LCLAT1: variants seen among roughly 807,000 people sequenced by gnomAD.
LCLAT1 encodes 1-AGP acyltransferase 8.
A neutral mutation model predicts 30.7 loss-of-function variants in LCLAT1; 11 were observed. The ratio of observed to expected loss-of-function variants is 0.36; its 90% CI spans 0.23 to 0.59. LCLAT1 has a LOEUF of 0.59. Ranked by LOEUF, LCLAT1 falls within the 20% of genes least tolerant of loss-of-function variation. The pLI is 0.77. For synonymous variants in LCLAT1, 155 were observed against 151.3 expected (o/e 1.02, Z -0.18); for missense variants, 402 against 458.6 (o/e 0.88, Z 1.13).
chr2:30,525,583 T>A lies in LCLAT1; in HGVS notation c.-4-4T>A, dbSNP rs776652436. On this transcript the variant is annotated splice_polypyrimidine_tract_variant and splice_region_variant and intron_variant, in intron 1 of 5. Transcript: ENST00000379509. ...CAAAATATATCCTTTTTTATATCTT[T>A]CAGAATCATGGTGTCATGGAAAGGG... is the stretch of plus-strand genomic sequence containing the variant. 18 of 1,609,440 alleles carry A rather than the reference T, an allele frequency of 1.1e-5. No individual in the cohort carries two copies. In the East Asian group the frequency reaches 4.0e-4, roughly 36 times the overall value.
At chr2:30,608,003 T>TTTTAAGCGAAGTGTTA (rs1287556265) in intron 5 of LCLAT1, among the ~76,000 whole-genome samples, 2 of 151,928 alleles carry the variant, frequency 1.3e-5, no homozygotes, top group African/African-American at 2.4e-5. Context: ...TAGGTTTGTG[T>TTTTAAGCGAAGTGTTA]TTTAAGCGAA....
chr2:30,532,727 T>C (rs995099396), intron 2 of LCLAT1, among the ~76,000 whole-genome samples: 4 of 152,142 alleles, frequency 2.6e-5, no homozygotes, highest in African/African-American at 9.7e-5. Flanking sequence ...CCGGGATTTT[T>C]TTTTTTCCCC....
At chr2:30,554,126 T>C (rs1252442682) in intron 3 of LCLAT1, among the ~76,000 whole-genome samples, 1 of 152,218 alleles carries the variant, frequency 6.6e-6, no homozygotes, top group Admixed American at 6.5e-5. Context: ...CTAGAAGATA[T>C]GTAACAAAAT....
At chr2:30,504,142 T>G (rs1270309262) in intron 1 of LCLAT1, among the ~76,000 whole-genome samples, 2 of 152,064 alleles carry the variant, frequency 1.3e-5, no homozygotes, top group Non-Finnish European at 2.9e-5. Context: ...ATTACACATA[T>G]ATACACAACA....
At chr2:30,530,321 T>C (rs1572578307) in intron 2 of LCLAT1, among the ~76,000 whole-genome samples, 1 of 152,356 alleles carries the variant, frequency 6.6e-6, no homozygotes, top group African/African-American at 2.4e-5. Context: ...TGTATAGATA[T>C]TACAGCTTTA....
chr2:30,569,966 G>C (rs1665706212), intron 5 of LCLAT1, among the ~76,000 whole-genome samples: 1 of 151,788 alleles, frequency 6.6e-6, no homozygotes, highest in African/African-American at 2.4e-5. Context: ...AAGCAGTGAT[G>C]CTTTTTTTTT....
Position 30,537,847 on chromosome 2 carries a change from G to C in LCLAT1, c.364+4533G>C, listed in dbSNP as rs79170748. ...GTGTTAGGCCACAAAACAAGTCTCA[G>C]CAAATTTTAAAAAATCGAAATTATG... On this transcript the variant is annotated intron_variant, in intron 3 of 5. Transcript: ENST00000379509. Among the ~76,000 whole-genome samples the C allele has an allele frequency of 9.6e-3, 1,457 of 152,194 alleles. 20 individuals are homozygous for C. Among genetic ancestry groups the C allele is most frequent in the African/African-American group, 0.033 (1,359 of 41,508 alleles).
Position 30,521,970 on chromosome 2 carries a change from C to T in LCLAT1, c.-4-3617C>T, listed in dbSNP as rs137947013. Reference sequence around the variant, plus strand: ...GATTTTAAAATCATATCTTTTGAGTCTGGCCTCTTTCATTCAGCATAATAC... The same window carrying T: ...GATTTTAAAATCATATCTTTTGAGTTTGGCCTCTTTCATTCAGCATAATAC... On this transcript the variant is annotated intron_variant, in intron 1 of 5. Transcript: ENST00000379509. Among the ~76,000 whole-genome samples the T allele has an allele frequency of 7.1e-3, 1,075 of 152,300 alleles. 5 individuals carry two copies. The highest frequency in any genetic ancestry group is 0.01 in the Non-Finnish European group (686 of 68,038).
chr2:30,521,220 A>C (rs1685452494), intron 1 of LCLAT1, among the ~76,000 whole-genome samples: 1 of 152,200 alleles, frequency 6.6e-6, no homozygotes, highest in Non-Finnish European at 1.5e-5. Context: ...ATGCATGAAT[A>C]ATCCATCCCT....
chr2:30,528,984 C>T (rs1685866883), intron 2 of LCLAT1, among the ~76,000 whole-genome samples: 1 of 152,114 alleles, frequency 6.6e-6, no homozygotes, highest in Non-Finnish European at 1.5e-5. Flanking sequence ...CACCTTTTAT[C>T]TCATACTCGT....
intron 3 of LCLAT1, among the ~76,000 whole-genome samples, chr2:30,544,516 C>T (rs1664305957): frequency 6.6e-6 from 1 of 152,060 alleles, no homozygotes; most frequent in Non-Finnish European, 1.5e-5. Context: ...ATTCTGTTTC[C>T]AGTTATGCTG....
chr2:30,464,224 A>G (rs182387089), intron 1 of LCLAT1, among the ~76,000 whole-genome samples: 120 of 152,092 alleles, frequency 7.9e-4, no homozygotes, highest in African/African-American at 2.5e-3. Context: ...TCATTTTTGT[A>G]TGTGACTCTT....
chr2:30,522,495 A>G (rs1265558873), intron 1 of LCLAT1, among the ~76,000 whole-genome samples: 2 of 152,234 alleles, frequency 1.3e-5, no homozygotes, highest in Non-Finnish European at 2.9e-5. Context: ...GATTAAATGC[A>G]GAGTCACATA....
Position 30,588,284 on chromosome 2 carries a change from ATCT to A in LCLAT1, c.628+20113_628+20115del, listed in dbSNP as rs142624724. ...TCACCTCCTTCAGCTTTTAATTCAA[ATCT>A]TCTTTCTCTAGGACTCAGACCATAT... On this transcript the variant is annotated intron_variant, in intron 5 of 5. Coordinates refer to ENST00000379509, the MANE Select transcript of LCLAT1 (RefSeq NM_001002257.3). 6.7e-3 allele frequency among the ~76,000 whole-genome samples: 1,015 copies of A among 152,252 alleles called. 10 individuals carry two copies. Among genetic ancestry groups the A allele is most frequent in the African/African-American group, 0.023 (962 of 41,538 alleles).
At chr2:30,627,385 C>T (rs964405743) in intron 5 of LCLAT1, among the ~76,000 whole-genome samples, 2 of 152,178 alleles carry the variant, frequency 1.3e-5, no homozygotes, top group Non-Finnish European at 2.9e-5. Context: ...AAACTTTCTT[C>T]GCTTTTAGAG....
intron 5 of LCLAT1, among the ~76,000 whole-genome samples, chr2:30,625,257 G>A (rs762173049): frequency 2.0e-5 from 3 of 152,140 alleles, no homozygotes; most frequent in Admixed American, 2.0e-4. Context: ...AAATGAAATT[G>A]AAACAACACA....
intron 3 of LCLAT1, among the ~76,000 whole-genome samples, 196 bp from the exon 4 acceptor site, chr2:30,561,950 A>G (rs1180342230): frequency 6.6e-6 from 1 of 152,196 alleles, no homozygotes; most frequent in Non-Finnish European, 1.5e-5. Flanking sequence ...GGATTACCAA[A>G]TCTCTTTTAG....
chr2:30,562,575 A>G (rs1344445655), intron 4 of LCLAT1, among the ~76,000 whole-genome samples: 2 of 152,190 alleles, frequency 1.3e-5, no homozygotes, highest in Admixed American at 6.5e-5. Context: ...AATCAATAGC[A>G]TGTCAGGACT....
intron 3 of LCLAT1, among the ~76,000 whole-genome samples, chr2:30,534,946 A>G (rs775447775): frequency 6.6e-6 from 1 of 152,226 alleles, no homozygotes; most frequent in Non-Finnish European, 1.5e-5. Flanking sequence ...TACATGAGAT[A>G]TACTAACAGG....
Sources: gnomAD v4.1 joint callset for allele counts (sites outside exome capture counted in the v4.1 genomes callset) on GRCh38, gnomAD v4.1.1 for gene constraint, MANE v1.5 for transcripts, NCBI Gene and HGNC (gene_info 2026-07-23, HGNC 2026-07-21) for gene names.